The following ADGRL2 variants were observed in gnomAD, a reference collection of about 807,000 sequenced individuals.
ADGRL2 encodes adhesion G protein-coupled receptor L2, also known as calcium-independent alpha-latrotoxin receptor 2.
ADGRL2 carries 44 observed loss-of-function variants against 157.4 expected under a neutral mutation model. The ratio of observed to expected loss-of-function variants is 0.28; its 90% CI spans 0.22 to 0.36. The LOEUF is 0.36. Ranked by LOEUF, ADGRL2 falls within the 10% of genes least tolerant of loss-of-function variation. ADGRL2 has a pLI of 1.00. For missense variants in ADGRL2, 1,510 were observed against 1,768.9 expected (o/e 0.85, Z 2.63); for synonymous variants, 585 against 624.7 (o/e 0.94, Z 0.95).
chr1:81,423,184 A>G (rs908750189), intron 1 of ADGRL2, among the ~76,000 whole-genome samples: 6 of 152,232 alleles, frequency 3.9e-5, no homozygotes, highest in Non-Finnish European at 7.3e-5. Flanking sequence ...TTTTGCTAAC[A>G]CGAGAAAGGA....
At chr1:81,791,418 G>A (rs2087339581) in intron 2 of ADGRL2, among the ~76,000 whole-genome samples, 1 of 152,034 alleles carries the variant, frequency 6.6e-6, no homozygotes, top group African/African-American at 2.4e-5. Flanking sequence ...AGAAGTTGGA[G>A]GCTCAAAGTT....
intron 3 of ADGRL2, among the ~76,000 whole-genome samples, chr1:81,672,912 G>C (rs1361557099): frequency 2.0e-5 from 3 of 152,188 alleles, no homozygotes; most frequent in African/African-American, 7.2e-5. Flanking sequence ...ACATGTGAAA[G>C]TTGATTACAC....
At chr1:81,399,649 T>A (rs942665914) in intron 1 of ADGRL2, among the ~76,000 whole-genome samples, 1 of 152,170 alleles carries the variant, frequency 6.6e-6, no homozygotes, top group Non-Finnish European at 1.5e-5. Flanking sequence ...TTAATATCTA[T>A]CTCCTTGCTA....
At chr1:81,808,064 A>G (rs1327922148) in intron 1 of ADGRL2, among the ~76,000 whole-genome samples, 1 of 151,996 alleles carries the variant, frequency 6.6e-6, no homozygotes, top group Non-Finnish European at 1.5e-5. Flanking sequence ...ATCTGCAAGT[A>G]AAGTGCAGCT....
At chr1:81,619,316 C>T (rs1048892737) in intron 3 of ADGRL2, among the ~76,000 whole-genome samples, 10 of 151,754 alleles carry the variant, frequency 6.6e-5, no homozygotes, top group Non-Finnish European at 8.8e-5. Context: ...AACCACCTGC[C>T]GTGCCTTTAG....
intron 1 of ADGRL2, among the ~76,000 whole-genome samples, chr1:81,755,275 A>G (rs2149283854): frequency 6.6e-6 from 1 of 150,562 alleles, no homozygotes; most frequent in East Asian, 1.9e-4. Flanking sequence ...TCACAGCAAT[A>G]GAATGAAGAC....
chr1:81,680,629 G>A (rs1036920687), intron 3 of ADGRL2, among the ~76,000 whole-genome samples: 15 of 151,918 alleles, frequency 9.9e-5, no homozygotes, highest in Middle Eastern at 3.2e-3. Context: ...TAGCATTGCT[G>A]TTTTCTCCAT....
chr1:81,506,142 A>G (rs2078970897), intron 2 of ADGRL2: 1 of 155,178 alleles, frequency 6.4e-6, no homozygotes, highest in Non-Finnish European at 1.4e-5. Context: ...ATTCAAGAAC[A>G]TGTTGAAACT....
chr1:81,517,464 C>CAAAAAAAAAAA (rs397956551), intron 2 of ADGRL2, among the ~76,000 whole-genome samples: 1 of 45,268 alleles, frequency 2.2e-5, no homozygotes. Flanking sequence ...GACTCCCTCT[C>CAAAAAAAAAAA]AAAAAAAAAA....
At chr1:81,669,337 C>A in intron 3 of ADGRL2, among the ~76,000 whole-genome samples, 1 of 152,054 alleles carries the variant, frequency 6.6e-6, no homozygotes, top group Non-Finnish European at 1.5e-5. Context: ...TCATTTAGAG[C>A]CCAGGAGCTC....
intron 3 of ADGRL2, among the ~76,000 whole-genome samples, chr1:81,613,889 G>A (rs756612233): frequency 5.3e-5 from 8 of 152,076 alleles, no homozygotes; most frequent in Non-Finnish European, 7.4e-5. Flanking sequence ...TTTTCCTGAT[G>A]GAATCTCATT....
At chr1:81,532,851 T>A (rs1360773479) in intron 2 of ADGRL2, among the ~76,000 whole-genome samples, 1 of 151,354 alleles carries the variant, frequency 6.6e-6, no homozygotes, top group African/African-American at 2.4e-5. Context: ...GCCCAGGAGA[T>A]CAAGGAAGGC....
At chr1:81,934,055 A>G (rs2095274105) in intron 3 of ADGRL2, among the ~76,000 whole-genome samples, 1 of 152,046 alleles carries the variant, frequency 6.6e-6, no homozygotes, top group East Asian at 1.9e-4. Context: ...AATTTTTTAT[A>G]ATTTTATTGC....
intron 3 of ADGRL2, chr1:81,596,102 C>CTT: frequency 3.5e-5 from 12 of 340,014 alleles, no homozygotes; most frequent in East Asian, 1.4e-4. Flanking sequence ...GAACTAGGAT[C>CTT]TTTTTTTTTT....
intron 1 of ADGRL2, among the ~76,000 whole-genome samples, chr1:81,432,345 C>A (rs549473851): frequency 2.6e-5 from 4 of 152,316 alleles, no homozygotes. Context: ...CCTTGATCAG[C>A]AAGCTGTCTT....
intron 1 of ADGRL2, among the ~76,000 whole-genome samples, chr1:81,441,337 A>G (rs867857531): frequency 6.6e-6 from 1 of 152,288 alleles, no homozygotes; most frequent in Middle Eastern, 3.4e-3. Flanking sequence ...CATACACTTC[A>G]TCTACCTAAA....
At chr1:81,987,339 G>C in intron 22 of ADGRL2, 1 of 1,542,576 alleles carries the variant, frequency 6.5e-7, no homozygotes, top group South Asian at 1.1e-5. Context: ...ATATCATTTA[G>C]AGGTATCCTA....
intron 1 of ADGRL2, among the ~76,000 whole-genome samples, chr1:81,426,125 G>A (rs1238924644): frequency 1.3e-5 from 2 of 152,182 alleles, no homozygotes; most frequent in Non-Finnish European, 2.9e-5. Flanking sequence ...TTATGGACAA[G>A]TTTGATGAAG....
chr1:81,501,395 T>C (rs1198114612), intron 2 of ADGRL2, among the ~76,000 whole-genome samples: 1 of 152,218 alleles, frequency 6.6e-6, no homozygotes, highest in Non-Finnish European at 1.5e-5. Flanking sequence ...TCATCTCCTA[T>C]GTGTGTTGAG....
Sources: gnomAD v4.1 joint callset for allele counts (sites outside exome capture counted in the v4.1 genomes callset) on GRCh38, gnomAD v4.1.1 for gene constraint, MANE v1.5 for transcripts, NCBI Gene and HGNC (gene_info 2026-07-23, HGNC 2026-07-21) for gene names.